RIMS2: variants seen among roughly 807,000 people sequenced by gnomAD.
The protein encoded by RIMS2 is regulating synaptic membrane exocytosis 2.
RIMS2 carries 59 observed loss-of-function variants against 174.4 expected under a neutral mutation model. The ratio of observed to expected loss-of-function variants is 0.34; its 90% CI spans 0.27 to 0.42. RIMS2 has a LOEUF of 0.42. Ranked by LOEUF, RIMS2 falls within the 10% of genes least tolerant of loss-of-function variation. The pLI is 1.00. For synonymous variants in RIMS2, 606 were observed against 572.5 expected, an observed-to-expected ratio of 1.06 and a Z score of -0.84; for missense variants, 1,620 against 1,666.3, an observed-to-expected ratio of 0.97 and a Z score of 0.48.
intron 19 of RIMS2, among the ~76,000 whole-genome samples, chr8:104,191,846 C>T (rs1323519096): frequency 6.6e-6 from 1 of 152,074 alleles, no homozygotes; most frequent in African/African-American, 2.4e-5. Context: ...CTCAGCCAAT[C>T]CTCCCTCTTC....
chr8:103,904,937 A>G (rs1265464765), intron 4 of RIMS2, among the ~76,000 whole-genome samples: 1 of 151,954 alleles, frequency 6.6e-6, no homozygotes, highest in African/African-American at 2.4e-5. Context: ...TGGTTGCTTT[A>G]GGTAATATAT....
At position 103,712,468 on chromosome 8, in the gene RIMS2, T is replaced by C. The variant is rs528073331; in HGVS notation, c.387+15172T>C. Reference sequence around the variant, plus strand: ...CTACATATGAAAGCTGCTTTTGGTATCCACTTGTTCCTAATCTCTTGGTGT... The same window carrying C: ...CTACATATGAAAGCTGCTTTTGGTACCCACTTGTTCCTAATCTCTTGGTGT... On this transcript the variant is annotated intron_variant, in intron 2 of 23. Coordinates refer to ENST00000504942, the Ensembl canonical transcript of RIMS2. Among the ~76,000 whole-genome samples the C allele has an allele frequency of 3.3e-5, 5 of 152,308 alleles. No homozygotes were observed. The South Asian group carries it at 1.0e-3, about 32-fold the overall frequency.
chr8:104,099,405 T>C (rs2097827081), intron 19 of RIMS2, among the ~76,000 whole-genome samples: 1 of 152,236 alleles, frequency 6.6e-6, no homozygotes, highest in African/African-American at 2.4e-5. Flanking sequence ...GGCTATCTTC[T>C]ATTTATTACC....
chr8:103,845,082 T>C (rs1055075042), intron 3 of RIMS2, among the ~76,000 whole-genome samples: 2 of 152,140 alleles, frequency 1.3e-5, no homozygotes, highest in Non-Finnish European at 2.9e-5. Flanking sequence ...TAAAATCTTA[T>C]ATTTTCAAAA....
chr8:103,702,630 T>G (rs2097179126), intron 2 of RIMS2, among the ~76,000 whole-genome samples: 1 of 152,168 alleles, frequency 6.6e-6, no homozygotes, highest in Non-Finnish European at 1.5e-5. Context: ...CTAATGGATA[T>G]TTAATTTTCT....
chr8:104,218,631 G>A (rs369331165), intron 19 of RIMS2, among the ~76,000 whole-genome samples: 3 of 151,930 alleles, frequency 2.0e-5, no homozygotes, highest in African/African-American at 7.3e-5. Context: ...CCTATCTCGG[G>A]GTGATGGGAG....
At chr8:104,136,861 C>T (rs750893014) in intron 19 of RIMS2, among the ~76,000 whole-genome samples, 3 of 151,932 alleles carry the variant, frequency 2.0e-5, no homozygotes, top group South Asian at 2.1e-4. Context: ...AAGCTTAATA[C>T]CTGGGTAATG....
At chr8:103,631,435 G>T (rs1388972638) in intron 1 of RIMS2, among the ~76,000 whole-genome samples, 4 of 152,164 alleles carry the variant, frequency 2.6e-5, no homozygotes, top group Non-Finnish European at 5.9e-5. Flanking sequence ...AAGATCAGAT[G>T]GCTGTAGATG....
Position 104,131,810 on chromosome 8 carries a change from G to T in RIMS2, c.3335-113106G>T, listed in dbSNP as rs565970490. ...GACCAAGGCAGGAACTGAGGATTGG[G>T]GTTTATTGGGGAATATTTCTGGCAA... On this transcript the variant is annotated intron_variant, in intron 19 of 23. Transcript: ENST00000504942. 2.0e-4 allele frequency among the ~76,000 whole-genome samples: 31 copies of T among 152,200 alleles called. No individual in the cohort carries two copies. The East Asian group carries it at 6.0e-3, about 29-fold the overall frequency.
chr8:103,818,597 TC>T lies in RIMS2; in HGVS notation c.698+52065del, dbSNP rs375777494. Among the ~76,000 whole-genome samples, 21 of 152,230 alleles carry T rather than the reference TC, an allele frequency of 1.4e-4. No individual in the cohort carries two copies. In the East Asian group the frequency reaches 3.9e-3, roughly 28 times the overall value. ...TCTCTGGCCTTGACTGTAGGGTTTT[TC>T]CCCCACCTGGATTTGGAGGGAAGTT... On this transcript the variant is annotated intron_variant, in intron 3 of 23. Coordinates refer to ENST00000504942, the Ensembl canonical transcript of RIMS2.
chr8:103,857,702 C>T (rs1412725142), intron 3 of RIMS2, among the ~76,000 whole-genome samples: 2 of 152,094 alleles, frequency 1.3e-5, no homozygotes, highest in African/African-American at 4.8e-5. Flanking sequence ...TAGAATTACA[C>T]CACTTAATTG....
intron 19 of RIMS2, among the ~76,000 whole-genome samples, chr8:104,027,997 A>G (rs2096292045): frequency 3.9e-5 from 6 of 152,060 alleles, no homozygotes; most frequent in Admixed American, 3.9e-4. Flanking sequence ...ATGGTGTGAT[A>G]ATAACTCACT....
chr8:103,592,360 T>A (rs2094303365), intron 1 of RIMS2, among the ~76,000 whole-genome samples: 1 of 151,230 alleles, frequency 6.6e-6, no homozygotes, highest in Admixed American at 6.6e-5. Flanking sequence ...ATAGTTTGAT[T>A]TACTAAGTTC....
At chr8:103,514,079 A>ATTCTT (rs1437809162) in intron 1 of RIMS2, among the ~76,000 whole-genome samples, 1 of 152,200 alleles carries the variant, frequency 6.6e-6, no homozygotes, top group African/African-American at 2.4e-5. Flanking sequence ...ATAGTAAGTA[A>ATTCTT]TTCTTTTCTT....
chr8:103,941,347 G>T (rs575554204), intron 13 of RIMS2, among the ~76,000 whole-genome samples: 3 of 152,052 alleles, frequency 2.0e-5, no homozygotes, highest in Non-Finnish European at 4.4e-5. Flanking sequence ...AATTAGCCAG[G>T]CATGGTGGTG....
chr8:104,211,608 C>T (rs2441914), intron 19 of RIMS2, among the ~76,000 whole-genome samples: 24,178 of 151,608 alleles, frequency 0.16, 2,489 homozygotes, highest in Non-Finnish European at 0.23. Context: ...TCTGTTGCCC[C>T]GACTAGAGTG....
At chr8:103,704,655 T>C (rs1312791673) in intron 2 of RIMS2, among the ~76,000 whole-genome samples, 1 of 152,078 alleles carries the variant, frequency 6.6e-6, no homozygotes, top group Non-Finnish European at 1.5e-5. Context: ...TTTACTTATA[T>C]TGGTCTGTTT....
intron 17 of RIMS2, among the ~76,000 whole-genome samples, chr8:104,001,690 C>T (rs1454206699): frequency 3.3e-5 from 5 of 151,980 alleles, no homozygotes; most frequent in African/African-American, 1.2e-4. Flanking sequence ...CTCTGACCTC[C>T]ATCCCAATCC....
intron 1 of RIMS2, among the ~76,000 whole-genome samples, chr8:103,553,044 C>T (rs867711904): frequency 3.3e-4 from 51 of 152,246 alleles, no homozygotes; most frequent in Middle Eastern, 3.4e-3. Flanking sequence ...GTGGTGATTC[C>T]TCAAGGATCT....
Sources: allele counts gnomAD v4.1 joint callset (sites outside exome capture counted in the v4.1 genomes callset), GRCh38; gene constraint gnomAD v4.1.1; transcripts MANE v1.5; gene names NCBI Gene and HGNC (gene_info 2026-07-23, HGNC 2026-07-21).